The following PRSS56 variants were observed in gnomAD, a reference collection of about 807,000 sequenced individuals.
PRSS56 encodes the protein protease, serine 56.
Under a neutral mutation model 66.8 loss-of-function variants are expected in PRSS56, and 55 were observed. The observed-to-expected ratio is 0.82, with a 90% CI of 0.66 to 1.03. PRSS56 has a LOEUF of 1.03. PRSS56 is among the 50% of genes least tolerant of loss of function. The pLI is 0.00. For synonymous variants in PRSS56, 409 were observed against 387.9 expected (o/e 1.05, Z -0.64); for missense variants, 869 against 837.2 (o/e 1.04, Z -0.47).
At chr2:232,522,230 C>G (rs1691294950) in intron 4 of PRSS56, 70 bp downstream of exon 4, 1 of 1,308,774 alleles carries the variant, frequency 7.6e-7, no homozygotes, top group Middle Eastern at 2.6e-4. Context: ...CCGGGTTGTC[C>G]GGCGGGCGAC....
In PRSS56 at chr2:232,521,354, C is replaced by T. The variant is rs991487860; in HGVS notation, c.131C>T (p.Ala44Val). 2.6e-6 allele frequency: 4 copies of T among 1,536,008 alleles called. No individual in the cohort carries two copies. In the African/African-American group the frequency reaches 4.1e-5, roughly 16 times the overall value. ...GCCCAGGGGACTCAGGCGTTGCAGG[C>T]AGCCCAGAGGAGCGCCCAGTGGGCA... ...LSAQGTQALQ[A>V]AQRSAQWAIN... The change falls in exon 2 of 13, where the codon GCA becomes GTA. Residue 44 changes from alanine (A) to valine (V), a missense_variant. Ala to Val is a moderately conservative substitution (Grantham distance 64, BLOSUM62 0). Coordinates refer to ENST00000617714, the MANE Select transcript of PRSS56 (RefSeq NM_001195129.2).
rs1362383282 is a variant in PRSS56 at position 232,524,783 on chromosome 2, A to G, written c.1460A>G (p.Gln487Arg). The G allele has an allele frequency of 2.6e-6, 4 of 1,533,756 alleles. No homozygotes were observed. The African/African-American group carries it at 5.5e-5, about 21-fold the overall frequency. The change falls in exon 12 of 13, where the codon CAG becomes CGG. Residue 487 changes from glutamine (Q) to arginine (R), a missense_variant. Coordinates refer to ENST00000617714, the MANE Select transcript of PRSS56 (RefSeq NM_001195129.2). Reference sequence around the variant, plus strand: ...CTGCGACAGAAGTTGGCTGCCCTGCAGGGGGCCCATGCCTGGATCCTGCAG... The same window carrying G: ...CTGCGACAGAAGTTGGCTGCCCTGCGGGGGGCCCATGCCTGGATCCTGCAG... ...EPLRQKLAAL[Q>R]GAHAWILQVP... is the part of the protein sequence containing the mutation.
chr2:232,524,027 T>C lies in PRSS56; in HGVS notation c.1187-12T>C. On this transcript the variant is annotated splice_polypyrimidine_tract_variant and intron_variant, in intron 9 of 12. Coordinates refer to ENST00000617714, the MANE Select transcript of PRSS56 (RefSeq NM_001195129.2). ...CCTCTGACCGCCGCTCCGACTCCTG[T>C]CCGGTCCGCAGAGCTGCGCTCGCTG... 1.3e-6 allele frequency: 2 copies of C among 1,525,840 alleles called. No homozygotes were observed. The highest frequency in any genetic ancestry group is 1.7e-6 in the Non-Finnish European group (2 of 1,143,486). 94.5% of individuals were successfully genotyped at this position (1,525,840 alleles called of 1,614,324 possible). A position where few individuals can be genotyped will look rare whatever the true frequency, so the allele number is the denominator to read the frequency against.
At chr2:232,522,379 G>A (rs888361548) in intron 4 of PRSS56, 136 bp from the exon 5 acceptor site, 29 of 888,186 alleles carry the variant, frequency 3.3e-5, no homozygotes, top group Admixed American at 2.4e-4. Context: ...CCTCTGGGAC[G>A]GGACCCCTCC....
rs948668266 is a variant in PRSS56, at chr2:232,524,772, G to T, written c.1449G>T (p.Leu483Phe). 3.8e-5 allele frequency: 58 copies of T among 1,532,374 alleles called. No homozygotes were observed. The African/African-American group carries it at 6.8e-4, about 18-fold the overall frequency. 94.9% of individuals were successfully genotyped at this position (1,532,374 alleles called of 1,614,324 possible). The change falls in exon 12 of 13, where the codon TTG becomes TTT. Residue 483 changes from leucine (L) to phenylalanine (F), a missense_variant. Coordinates refer to ENST00000617714, the MANE Select transcript of PRSS56 (RefSeq NM_001195129.2). ...CPGLEPLRQKLAALQGAHAWI... is the reference protein window; with the variant it reads ...CPGLEPLRQKFAALQGAHAWI... ...GGCTGGAGCCCCTGCGACAGAAGTT[G>T]GCTGCCCTGCAGGGGGCCCATGCCT...
Position 232,522,016 on chromosome 2 carries a change from C to G in PRSS56, c.302C>G (p.Ala101Gly), listed in dbSNP as rs1249117791. Reference sequence around the variant, plus strand: ...CCGAGCACTGCCAATGTGACGCGGGCCCACGGCCGCATCGTGGGGGGCAGC... The same window carrying G: ...CCGAGCACTGCCAATGTGACGCGGGGCCACGGCCGCATCGTGGGGGGCAGC... Reference protein sequence around the residue: ...RRPSTANVTRAHGRIVGGSAA... With the variant: ...RRPSTANVTRGHGRIVGGSAA... The change falls in exon 4 of 13, where the codon GCC (alanine) becomes GGC (glycine). Residue 101 changes from alanine (A) to glycine (G), a missense_variant. Transcript: ENST00000617714. 9 of 1,454,430 alleles carry G rather than the reference C, an allele frequency of 6.2e-6. No individual in the cohort carries two copies. Among genetic ancestry groups the G allele is most frequent in the Non-Finnish European group, 8.1e-6 (9 of 1,109,818 alleles). The allele number at this position is 1,454,430 out of a possible 1,614,324, so 90.1% of individuals were successfully genotyped here. A position where few individuals can be genotyped will look rare whatever the true frequency, so the allele number is the denominator to read the frequency against.
chr2:232,525,523 C>A lies in PRSS56; in HGVS notation c.*17C>A, dbSNP rs1022663511. On this transcript the variant is annotated 3_prime_UTR_variant, in exon 13 of 13. Coordinates refer to ENST00000617714, the MANE Select transcript of PRSS56 (RefSeq NM_001195129.2). ...CAACCCTGAGCCATGTCTGGGCCCC[C>A]AGCCCCTGGGGAGGACCTACTGCTC... 6 of 1,449,330 alleles carry A rather than the reference C, an allele frequency of 4.1e-6. No individual in the cohort carries two copies. In the African/African-American group the frequency reaches 7.1e-5, roughly 17 times the overall value. 89.8% of individuals were successfully genotyped at this position (1,449,330 alleles called of 1,614,324 possible).
At chr2:232,524,275 C>A (rs1328850430) in intron 10 of PRSS56, 32 bp from the exon 11 acceptor site, 2 of 1,535,438 alleles carry the variant, frequency 1.3e-6, no homozygotes, top group Non-Finnish European at 8.7e-7. Context: ...CTTTCTCCGC[C>A]GAGGCGGTAC....
In PRSS56 at chr2:232,525,534, G is replaced by A; in HGVS notation, c.*28G>A. ...CATGTCTGGGCCCCCAGCCCCTGGG[G>A]AGGACCTACTGCTCCCAGGGGCTGA... On this transcript the variant is annotated 3_prime_UTR_variant, in exon 13 of 13. Transcript: ENST00000617714. 1 of 1,352,174 alleles carries A rather than the reference G, an allele frequency of 7.4e-7. No homozygotes were observed. The highest frequency in any genetic ancestry group is 9.6e-7 in the Non-Finnish European group (1 of 1,041,566). The allele number at this position is 1,352,174 out of a possible 1,614,324, so 83.8% of individuals were successfully genotyped here.
Position 232,522,704 on chromosome 2 carries a change from T to C in PRSS56, c.549T>C (p.Phe183=). ...CTGCGCCGCCTCCCCCTCCTCAGTTTGACCCGCGGACCTTCCACAACGACC... is the reference window on the plus strand; with the variant it reads ...CTGCGCCGCCTCCCCCTCCTCAGTTCGACCCGCGGACCTTCCACAACGACC... The part of the protein sequence containing the change: ...PVNRILPHPK[F]DPRTFHNDLA... The change falls in exon 6 of 13, where the codon TTT becomes TTC. Residue 183 remains phenylalanine, a splice_region_variant and synonymous_variant. Coordinates refer to ENST00000617714, the MANE Select transcript of PRSS56 (RefSeq NM_001195129.2). 1 of 1,534,112 alleles carries C rather than the reference T, an allele frequency of 6.5e-7. No homozygotes were observed. The highest frequency in any genetic ancestry group is 8.7e-7 in the Non-Finnish European group (1 of 1,145,844).
intron 7 of PRSS56, 49 bp downstream of exon 7, chr2:232,523,251 C>T (rs1691324892): frequency 7.0e-7 from 1 of 1,424,022 alleles, no homozygotes; most frequent in Non-Finnish European, 9.2e-7. Context: ...TTCCCAGGGC[C>T]ACTACGGCCT....
At chr2:232,521,555 T>G (rs74372338) in intron 2 of PRSS56, 127 bp downstream of exon 2, 1 of 840,844 alleles carries the variant, frequency 1.2e-6, no homozygotes, top group African/African-American at 1.7e-5. Context: ...GGCCGCAACC[T>G]AGACTACGTT....
Position 232,520,564 on chromosome 2 carries a change from A to C in PRSS56, c.-35A>C, listed in dbSNP as rs180761208. On this transcript the variant is annotated 5_prime_UTR_variant, in exon 1 of 13. Coordinates refer to ENST00000617714, the MANE Select transcript of PRSS56 (RefSeq NM_001195129.2). ...GGAAGGTGGACTCCGAGGAGGAGAG[A>C]GGACAGGGGTCTCTCACCCCAGCTC... The C allele has an allele frequency of 5.0e-5, 75 of 1,502,074 alleles. No homozygotes were observed. In the East Asian group the frequency reaches 1.8e-3, roughly 36 times the overall value. 93.0% of individuals were successfully genotyped at this position (1,502,074 alleles called of 1,614,324 possible). A position where few individuals can be genotyped will look rare whatever the true frequency, so the allele number is the denominator to read the frequency against.
intron 12 of PRSS56, 108 bp downstream of exon 12, chr2:232,524,952 G>C: frequency 1.0e-6 from 1 of 987,838 alleles, no homozygotes; most frequent in Non-Finnish European, 1.5e-6. Flanking sequence ...GCAGCCTGGG[G>C]TCGCCTCTGC....
In PRSS56 at chr2:232,525,688, T is replaced by C. The variant is rs867218917; in HGVS notation, c.*182T>C. The C allele has an allele frequency of 1.9e-5, 10 of 539,158 alleles. No homozygotes were observed. Among genetic ancestry groups the C allele is most frequent in the Admixed American group, 3.6e-5 (1 of 27,912 alleles). 33.4% of individuals were successfully genotyped at this position (539,158 alleles called of 1,614,324 possible). A position where few individuals can be genotyped will look rare whatever the true frequency, so the allele number is the denominator to read the frequency against. On this transcript the variant is annotated 3_prime_UTR_variant, in exon 13 of 13. Coordinates refer to ENST00000617714, the MANE Select transcript of PRSS56 (RefSeq NM_001195129.2). ...TACAATCAGAGAATCACAGCTGCTTTAATAAATGTTATTTATAATACACGG... is the reference window on the plus strand; with the variant it reads ...TACAATCAGAGAATCACAGCTGCTTCAATAAATGTTATTTATAATACACGG...
Position 232,523,042 on chromosome 2 carries a change from T to TCCA in PRSS56, c.707-15_707-13dup. On this transcript the variant is annotated splice_polypyrimidine_tract_variant and intron_variant, in intron 6 of 12. Coordinates refer to ENST00000617714, the MANE Select transcript of PRSS56 (RefSeq NM_001195129.2). The stretch of plus-strand genomic sequence containing the variant: ...GCTCTTGCCCTCCAAACCTGAGCCT[T>TCCA]CCACCCCTTCCCTGCAGACGGGCCT... The TCCA allele has an allele frequency of 6.5e-7, 1 of 1,533,458 alleles. No individual in the cohort carries two copies. The highest frequency in any genetic ancestry group is 8.7e-7 in the Non-Finnish European group (1 of 1,145,448). The allele number at this position is 1,533,458 out of a possible 1,614,324, so 95.0% of individuals were successfully genotyped here. A position where few individuals can be genotyped will look rare whatever the true frequency, so the allele number is the denominator to read the frequency against.
At position 232,522,743 on chromosome 2, in the gene PRSS56, G is replaced by C. The variant is rs1182937183; in HGVS notation, c.588G>C (p.Gln196His). 1.3e-6 allele frequency: 2 copies of C among 1,533,234 alleles called. No homozygotes were observed. Among genetic ancestry groups the C allele is most frequent in the African/African-American group, 2.7e-5 (2 of 72,898 alleles). 95.0% of individuals were successfully genotyped at this position (1,533,234 alleles called of 1,614,324 possible). The change falls in exon 6 of 13, where the codon CAG becomes CAC. Residue 196 changes from glutamine to histidine, a missense_variant. Transcript: ENST00000617714. ...RTFHNDLALVQLWTPVSPGGS... is the reference protein window; with the variant it reads ...RTFHNDLALVHLWTPVSPGGS... ...TCCACAACGACCTGGCCCTGGTGCA[G>C]CTGTGGACGCCGGTGAGCCCGGGGG...
intron 4 of PRSS56, 68 bp downstream of exon 4, chr2:232,522,228 T>C: frequency 7.6e-7 from 1 of 1,318,378 alleles, no homozygotes; most frequent in Non-Finnish European, 9.9e-7. Flanking sequence ...TGCCGGGTTG[T>C]CCGGCGGGCG....
At chr2:232,522,917 T>TA (rs1270132511) in intron 6 of PRSS56, 56 bp downstream of exon 6, 19 of 1,456,006 alleles carry the variant, frequency 1.3e-5, no homozygotes, top group Non-Finnish European at 1.7e-5. Flanking sequence ...TCCGAGGTAA[T>TA]AGAGTGTAGG....
Sources: gnomAD v4.1 joint callset for allele counts on GRCh38, gnomAD v4.1.1 for gene constraint, MANE v1.5 for transcripts, NCBI Gene and HGNC (gene_info 2026-07-23, HGNC 2026-07-21) for gene names.